STX8: variants seen among roughly 807,000 people sequenced by gnomAD.
The protein encoded by STX8 is syntaxin-8.
In STX8, 23 loss-of-function variants were observed where a neutral mutation model predicts 37.5. The ratio of observed to expected loss-of-function variants is 0.61; its 90% CI spans 0.44 to 0.87. STX8 has a LOEUF of 0.87. STX8 is among the 40% of genes least tolerant of loss of function. The pLI, the probability that STX8 is intolerant of heterozygous loss-of-function variation, is 0.00. For missense variants in STX8, 313 were observed against 284.7 expected, an observed-to-expected ratio of 1.10 and a Z score of -0.71; for synonymous variants, 115 against 99.1, an observed-to-expected ratio of 1.16 and a Z score of -0.95.
intron 6 of STX8, among the ~76,000 whole-genome samples, chr17:9,430,826 T>C (rs974322672): frequency 1.3e-5 from 2 of 152,138 alleles, no homozygotes; most frequent in Non-Finnish European, 2.9e-5. Flanking sequence ...ATTTTTTGTA[T>C]TTTTAGTAGA....
At chr17:9,570,861 G>C (rs1217951760) in intron 1 of STX8, among the ~76,000 whole-genome samples, 1 of 151,958 alleles carries the variant, frequency 6.6e-6, no homozygotes, top group African/African-American at 2.4e-5. Context: ...GGTCCATGAG[G>C]TTACATCTGG....
intron 2 of STX8, among the ~76,000 whole-genome samples, chr17:9,562,408 G>GT (rs1555537766): frequency 7.2e-5 from 9 of 125,728 alleles, no homozygotes; most frequent in African/African-American, 2.6e-4. Context: ...TCCGTCTCAG[G>GT]AAAAAAAAAA....
chr17:9,298,025 T>C (rs1908629534), intron 7 of STX8, among the ~76,000 whole-genome samples: 1 of 152,192 alleles, frequency 6.6e-6, no homozygotes, highest in African/African-American at 2.4e-5. Flanking sequence ...AAAGAAGTCC[T>C]TTCTTTTCCC....
chr17:9,491,787 T>C, intron 6 of STX8, 42 bp downstream of exon 6: 1 of 1,523,474 alleles, frequency 6.6e-7, no homozygotes, highest in Non-Finnish European at 9.1e-7. Flanking sequence ...CTTTAGTATT[T>C]ATGTCAACGG....
chr17:9,437,270 GTTTC>G (rs1904469288), intron 6 of STX8, among the ~76,000 whole-genome samples: 2 of 152,308 alleles, frequency 1.3e-5, no homozygotes, highest in Admixed American at 6.5e-5. Flanking sequence ...AAAATGGCTA[GTTTC>G]TTTCTCTCTT....
At chr17:9,462,342 T>C (rs1905424492) in intron 6 of STX8, among the ~76,000 whole-genome samples, 1 of 152,148 alleles carries the variant, frequency 6.6e-6, no homozygotes, top group Non-Finnish European at 1.5e-5. Context: ...CTTTATAAGT[T>C]CTAAGCAAAC....
At chr17:9,571,526 G>A (rs1907688739) in intron 1 of STX8, among the ~76,000 whole-genome samples, 2 of 151,144 alleles carry the variant, frequency 1.3e-5, no homozygotes, top group Non-Finnish European at 2.9e-5. Context: ...TGGAACCCGG[G>A]AGGCAGAGGT....
At chr17:9,482,169 C>A (rs911552688) in intron 6 of STX8, among the ~76,000 whole-genome samples, 1 of 152,050 alleles carries the variant, frequency 6.6e-6, no homozygotes, top group African/African-American at 2.4e-5. Context: ...AGCAACACAG[C>A]AAGACCCTGT....
At chr17:9,293,192 T>C (rs542242826) in intron 7 of STX8, among the ~76,000 whole-genome samples, 16 of 152,316 alleles carry the variant, frequency 1.1e-4, no homozygotes, top group African/African-American at 3.8e-4. Flanking sequence ...TTCTGAAGAA[T>C]ACACATGCTA....
At chr17:9,485,137 A>G (rs200628140) in intron 6 of STX8, among the ~76,000 whole-genome samples, 6 of 151,946 alleles carry the variant, frequency 3.9e-5, no homozygotes, top group African/African-American at 1.5e-4. Context: ...AAAAAAAATT[A>G]TAATAAGATC....
At chr17:9,421,383 A>C (rs1465939180) in intron 6 of STX8, among the ~76,000 whole-genome samples, 1 of 127,982 alleles carries the variant, frequency 7.8e-6, no homozygotes, top group African/African-American at 2.8e-5. Flanking sequence ...TAAGAGCAAA[A>C]CTCCATCTCA....
chr17:9,488,726 C>T (rs1412100837), intron 6 of STX8, among the ~76,000 whole-genome samples: 1 of 152,060 alleles, frequency 6.6e-6, no homozygotes, highest in Non-Finnish European at 1.5e-5. Context: ...GCCACCCTGC[C>T]CATGCCTTAG....
At chr17:9,355,448 C>T (rs563643968) in intron 7 of STX8, among the ~76,000 whole-genome samples, 3 of 150,412 alleles carry the variant, frequency 2.0e-5, no homozygotes, top group East Asian at 2.0e-4. Flanking sequence ...AATCTCCTCT[C>T]GCCTGTCTCC....
chr17:9,435,024 T>G (rs766012328), intron 6 of STX8, among the ~76,000 whole-genome samples: 1 of 152,166 alleles, frequency 6.6e-6, no homozygotes, highest in Non-Finnish European at 1.5e-5. Context: ...GCTGGCTTCT[T>G]CACTGCACGC....
intron 7 of STX8, among the ~76,000 whole-genome samples, chr17:9,317,761 C>T (rs1026197724): frequency 6.2e-5 from 9 of 144,878 alleles, no homozygotes; most frequent in African/African-American, 2.3e-4. Flanking sequence ...GAGACTCTGT[C>T]TCAGAAAAAG....
At chr17:9,309,716 A>G (rs921713086) in intron 7 of STX8, among the ~76,000 whole-genome samples, 5 of 152,192 alleles carry the variant, frequency 3.3e-5, no homozygotes, top group African/African-American at 1.2e-4. Context: ...TCATATACGA[A>G]GCAAATTAAA....
intron 7 of STX8, among the ~76,000 whole-genome samples, chr17:9,333,148 A>G (rs7214513): frequency 0.069 from 10,443 of 152,218 alleles, 1,166 homozygotes; most frequent in African/African-American, 0.24. Flanking sequence ...GATTTGTCAC[A>G]TGGGTATATT....
At chr17:9,384,131 T>G (rs1352290364) in intron 6 of STX8, among the ~76,000 whole-genome samples, 5 of 152,098 alleles carry the variant, frequency 3.3e-5, no homozygotes, top group African/African-American at 1.2e-4. Context: ...TTGTTATTTT[T>G]TTTTTTTTCA....
At chr17:9,386,573 A>AGGCG (rs1414362133) in intron 6 of STX8, among the ~76,000 whole-genome samples, 6 of 152,084 alleles carry the variant, frequency 3.9e-5, no homozygotes, top group African/African-American at 1.4e-4. Flanking sequence ...GGGAGCTGGC[A>AGGCG]GGCGGGCAGG....
Sources: gnomAD v4.1 joint callset for allele counts (sites outside exome capture counted in the v4.1 genomes callset) on GRCh38, gnomAD v4.1.1 for gene constraint, MANE v1.5 for transcripts, NCBI Gene and HGNC (gene_info 2026-07-23, HGNC 2026-07-21) for gene names.